YWHAE: variants seen among roughly 807,000 people sequenced by gnomAD.
YWHAE encodes the protein tyrosine 3-monooxygenase/tryptophan 5-monooxygenase activation protein epsilon.
Under a neutral mutation model 30.1 loss-of-function variants are expected in YWHAE, and 4 were observed. That is an observed-to-expected ratio of 0.13 (90% CI 0.07 to 0.30). The LOEUF (loss-of-function observed/expected upper bound fraction) is 0.30, where lower values mean the gene tolerates loss of function less well. Ranked by LOEUF, YWHAE falls within the 10% of genes least tolerant of loss-of-function variation. The pLI is 1.00. For synonymous variants in YWHAE, 118 were observed against 111.8 expected, an observed-to-expected ratio of 1.06 and a Z score of -0.35; for missense variants, 121 against 315.9, an observed-to-expected ratio of 0.38 and a Z score of 4.68.
chr17:1,357,819 T>C (rs192595868), intron 4 of YWHAE, among the ~76,000 whole-genome samples: 132 of 150,982 alleles, frequency 8.7e-4, no homozygotes, highest in Non-Finnish European at 1.4e-3. Flanking sequence ...CCCAGCTACC[T>C]GGGAGGCTGA....
intron 1 of YWHAE, among the ~76,000 whole-genome samples, chr17:1,395,635 T>C (rs2073457981): frequency 6.7e-6 from 1 of 150,016 alleles, no homozygotes; most frequent in South Asian, 2.1e-4. Flanking sequence ...AATGGAAAAT[T>C]ACTGGCCTAC....
intron 1 of YWHAE, among the ~76,000 whole-genome samples, chr17:1,365,769 T>C (rs1407507327): frequency 6.6e-6 from 1 of 152,230 alleles, no homozygotes; most frequent in Non-Finnish European, 1.5e-5. Flanking sequence ...TATTACCATG[T>C]GGCTCTCCAA....
intron 1 of YWHAE, among the ~76,000 whole-genome samples, chr17:1,392,128 T>C (rs1370348258): frequency 2.0e-5 from 3 of 151,986 alleles, no homozygotes; most frequent in Non-Finnish European, 4.4e-5. Context: ...AAAGCTGCAG[T>C]GAGCCATAAA....
At chr17:1,349,451 G>A (rs1387643571) in intron 5 of YWHAE, among the ~76,000 whole-genome samples, 1 of 152,134 alleles carries the variant, frequency 6.6e-6, no homozygotes, top group Non-Finnish European at 1.5e-5. Flanking sequence ...AATGTCAACA[G>A]ACCACCTGAA....
At chr17:1,400,025 C>T (rs1316050958) in intron 1 of YWHAE, 22 bp downstream of exon 1, 2 of 1,608,242 alleles carry the variant, frequency 1.2e-6, no homozygotes, top group Non-Finnish European at 1.7e-6. Flanking sequence ...AATTCCAGCC[C>T]CCCGTTGCCC....
intron 1 of YWHAE, among the ~76,000 whole-genome samples, chr17:1,381,641 C>A (rs779916671): frequency 6.6e-6 from 1 of 151,780 alleles, no homozygotes; most frequent in East Asian, 1.9e-4. Flanking sequence ...GAAGGCCGAG[C>A]GCAAAGGCTC....
chr17:1,398,360 G>A (rs939852882), intron 1 of YWHAE, among the ~76,000 whole-genome samples: 1 of 142,138 alleles, frequency 7.0e-6, no homozygotes, highest in South Asian at 2.2e-4. Flanking sequence ...GAACCTTGTT[G>A]AATACAAATA....
At chr17:1,372,314 G>A (rs938695718) in intron 1 of YWHAE, among the ~76,000 whole-genome samples, 2 of 152,242 alleles carry the variant, frequency 1.3e-5, no homozygotes, top group African/African-American at 4.8e-5. Context: ...TAGTATGGCA[G>A]GTTTGATCTT....
intron 1 of YWHAE, among the ~76,000 whole-genome samples, chr17:1,365,571 A>G (rs968940314): frequency 1.3e-5 from 2 of 152,170 alleles, no homozygotes. Context: ...AAGCTCCTTC[A>G]TTGGTAAAAC....
intron 5 of YWHAE, among the ~76,000 whole-genome samples, chr17:1,353,446 A>T (rs533209402): frequency 7.1e-6 from 1 of 140,760 alleles, no homozygotes; most frequent in Non-Finnish European, 1.5e-5. Flanking sequence ...TCAAAAAAAA[A>T]AAAAGAAAAG....
chr17:1,379,128 C>A (rs895107268), intron 1 of YWHAE, among the ~76,000 whole-genome samples: 2 of 152,140 alleles, frequency 1.3e-5, no homozygotes, highest in Non-Finnish European at 2.9e-5. Flanking sequence ...GATGTCATCA[C>A]TTTAAGGTTG....
At chr17:1,368,005 C>G (rs898459493) in intron 1 of YWHAE, among the ~76,000 whole-genome samples, 3 of 152,094 alleles carry the variant, frequency 2.0e-5, no homozygotes, top group Non-Finnish European at 4.4e-5. Context: ...CATCTTAGCA[C>G]TTTGGGAGGC....
intron 1 of YWHAE, among the ~76,000 whole-genome samples, chr17:1,384,411 A>G (rs901731067): frequency 6.7e-6 from 1 of 148,994 alleles, no homozygotes; most frequent in Non-Finnish European, 1.5e-5. Context: ...TTTATGCTCG[A>G]CCGGGCGCGG....
chr17:1,395,222 GTC>G (rs1435110359), intron 1 of YWHAE, among the ~76,000 whole-genome samples: 1 of 151,842 alleles, frequency 6.6e-6, no homozygotes, highest in Non-Finnish European at 1.5e-5. Context: ...GTAAAACCCT[GTC>G]TCTACCAAAA....
At chr17:1,367,905 G>A (rs948496808) in intron 1 of YWHAE, among the ~76,000 whole-genome samples, 2 of 152,130 alleles carry the variant, frequency 1.3e-5, no homozygotes, top group African/African-American at 2.4e-5. Context: ...AAAGTGGCAC[G>A]TTTAACTGTA....
chr17:1,355,318 G>A (rs1049009153), intron 4 of YWHAE, among the ~76,000 whole-genome samples: 7 of 150,362 alleles, frequency 4.7e-5, no homozygotes, highest in Non-Finnish European at 5.9e-5. Context: ...CACCACACCC[G>A]GCTGATTTGT....
chr17:1,354,555 T>C (rs929163425), intron 4 of YWHAE, among the ~76,000 whole-genome samples: 4 of 152,214 alleles, frequency 2.6e-5, no homozygotes, highest in African/African-American at 9.6e-5. Flanking sequence ...ACTGATATGC[T>C]ATAATATACA....
At chr17:1,399,939 C>G in intron 1 of YWHAE, 108 bp downstream of exon 1, 3 of 1,400,480 alleles carry the variant, frequency 2.1e-6, no homozygotes, top group South Asian at 1.2e-5. Context: ...CCCAAGCCCC[C>G]GGGCCAGGCT....
In YWHAE at chr17:1,354,212, G is replaced by A. The variant is rs546856425; in HGVS notation, c.714C>T (p.Asp238=). ...CTGTTTCACTCCGTGCTTGCTTACCGTCACCCTGCATGTCTGAAGTCCATA... is the reference window on the plus strand; with the variant it reads ...CTGTTTCACTCCGTGCTTGCTTACCATCACCCTGCATGTCTGAAGTCCATA... ...LTLWTSDMQG[D]GEEQNKEALQ... is the part of the protein sequence containing the mutation. The change falls in exon 5 of 6, where the codon GAC becomes GAT. Residue 238 remains aspartate (D), a splice_region_variant and synonymous_variant. Coordinates refer to ENST00000264335, the MANE Select transcript of YWHAE (RefSeq NM_006761.5). 110 of 1,612,460 alleles carry A rather than the reference G, an allele frequency of 6.8e-5. No individual in the cohort carries two copies. Among genetic ancestry groups the A allele is most frequent in the Admixed American group, 8.4e-5 (5 of 59,684 alleles).
Sources: allele counts gnomAD v4.1 joint callset (sites outside exome capture counted in the v4.1 genomes callset), GRCh38; gene constraint gnomAD v4.1.1; transcripts MANE v1.5; gene names NCBI Gene and HGNC (gene_info 2026-07-23, HGNC 2026-07-21).